The following ELAVL4 variants were observed in gnomAD, a reference collection of about 807,000 sequenced individuals.
The protein encoded by ELAVL4 is ELAV-like protein 4.
A neutral mutation model predicts 35.6 loss-of-function variants in ELAVL4; 1 was observed. The ratio of observed to expected loss-of-function variants is 0.03; its 90% CI spans 0.01 to 0.13. The LOEUF is 0.13. ELAVL4 is among the 10% of genes least tolerant of loss of function. The pLI is 1.00. For synonymous variants in ELAVL4, 156 were observed against 171.0 expected, an observed-to-expected ratio of 0.91 and a Z score of 0.69; for missense variants, 267 against 464.9, an observed-to-expected ratio of 0.57 and a Z score of 3.91.
At chr1:50,162,686 T>G (rs1268771554) in intron 2 of ELAVL4, among the ~76,000 whole-genome samples, 1 of 152,054 alleles carries the variant, frequency 6.6e-6, no homozygotes, top group Non-Finnish European at 1.5e-5. Flanking sequence ...TGGGTTCAAG[T>G]GAATCTCCTG....
At chr1:50,109,559 T>G (rs1017374638) in intron 1 of ELAVL4, 3 of 362,650 alleles carry the variant, frequency 8.3e-6, no homozygotes, top group Non-Finnish European at 1.5e-5. Flanking sequence ...TCTACGTGCC[T>G]GGGTTTTGTG....
chr1:50,080,444 A>G (rs1204017289), intron 1 of ELAVL4, among the ~76,000 whole-genome samples: 1 of 152,066 alleles, frequency 6.6e-6, no homozygotes, highest in African/African-American at 2.4e-5. Context: ...ACACACTCAC[A>G]CACATACTGA....
At chr1:50,164,887 T>G (rs1677466429) in intron 2 of ELAVL4, among the ~76,000 whole-genome samples, 1 of 152,190 alleles carries the variant, frequency 6.6e-6, no homozygotes, top group South Asian at 2.1e-4. Flanking sequence ...CCAACAAACA[T>G]TTACTGGATA....
At chr1:50,152,991 G>A (rs1011711747) in intron 2 of ELAVL4, among the ~76,000 whole-genome samples, 1 of 152,138 alleles carries the variant, frequency 6.6e-6, no homozygotes, top group African/African-American at 2.4e-5. Context: ...TCTGTGAGGA[G>A]GTCAAAATGG....
At position 50,193,935 on chromosome 1, in the gene ELAVL4, T is replaced by G; in HGVS notation, c.508+17T>G. The stretch of plus-strand genomic sequence containing the variant: ...AAGTCACAGGTTAAGTGTTTCTTTG[T>G]AATTTCTTTCCTTGTATATCAATGT... On this transcript the variant is annotated intron_variant, in intron 4 of 6. Transcript: ENST00000371824. 1 of 1,613,176 alleles carries G rather than the reference T, an allele frequency of 6.2e-7. No homozygotes were observed. The highest frequency in any genetic ancestry group is 2.2e-5 in the East Asian group (1 of 44,870).
At chr1:50,192,517 A>ACG (rs979201561) in intron 3 of ELAVL4, among the ~76,000 whole-genome samples, 10 of 114,708 alleles carry the variant, frequency 8.7e-5, no homozygotes, top group South Asian at 6.4e-4. Flanking sequence ...TTTTGTGTGC[A>ACG]CGCACACACA....
At chr1:50,066,348 T>C (rs1343898321) in intron 1 of ELAVL4, among the ~76,000 whole-genome samples, 1 of 152,202 alleles carries the variant, frequency 6.6e-6, no homozygotes, top group East Asian at 1.9e-4. Context: ...CCAGCACACA[T>C]TGATCGCTAA....
intron 1 of ELAVL4, among the ~76,000 whole-genome samples, chr1:50,066,433 C>T (rs1664269146): frequency 1.3e-5 from 2 of 152,142 alleles, no homozygotes; most frequent in South Asian, 4.1e-4. Context: ...TTTCTTTCAT[C>T]ATTTCATGTT....
At chr1:50,177,231 T>C (rs909781854) in intron 3 of ELAVL4, 39 bp downstream of exon 3, 1 of 1,485,542 alleles carries the variant, frequency 6.7e-7, no homozygotes, top group African/African-American at 1.4e-5. Context: ...CAGGAGGCTC[T>C]GGTTAAATTT....
intron 3 of ELAVL4, among the ~76,000 whole-genome samples, chr1:50,192,277 G>C (rs1448428098): frequency 6.6e-6 from 1 of 152,100 alleles, no homozygotes; most frequent in Non-Finnish European, 1.5e-5. Flanking sequence ...CATTTTATCT[G>C]TTGAGTCAAC....
chr1:50,121,284 G>A (rs376909407), intron 1 of ELAVL4, among the ~76,000 whole-genome samples: 1 of 151,980 alleles, frequency 6.6e-6, no homozygotes, highest in African/African-American at 2.4e-5. Context: ...ATGGCTTAAT[G>A]GGAGGATCCA....
intron 1 of ELAVL4, among the ~76,000 whole-genome samples, chr1:50,065,602 C>G (rs554347166): frequency 2.0e-5 from 3 of 152,234 alleles, no homozygotes; most frequent in African/African-American, 7.2e-5. Context: ...CATAGTATGT[C>G]TCGGGGTGGA....
intron 1 of ELAVL4, among the ~76,000 whole-genome samples, chr1:50,122,233 T>C (rs1364602962): frequency 3.3e-5 from 5 of 152,090 alleles, no homozygotes. Context: ...AGCTCTGTAC[T>C]CCTCTACAAA....
chr1:50,182,028 C>T (rs1470228682), intron 3 of ELAVL4, among the ~76,000 whole-genome samples: 1 of 152,250 alleles, frequency 6.6e-6, no homozygotes, highest in Non-Finnish European at 1.5e-5. Flanking sequence ...ATTTTAGACT[C>T]TGCAAATGGC....
chr1:50,114,955 T>C (rs1466260385), intron 1 of ELAVL4: 4 of 152,134 alleles, frequency 2.6e-5, no homozygotes, highest in Non-Finnish European at 4.4e-5. Context: ...ATATTTATGC[T>C]TTCCCTTGCA....
intron 2 of ELAVL4, among the ~76,000 whole-genome samples, chr1:50,145,835 C>T (rs1673611657): frequency 6.6e-6 from 1 of 152,198 alleles, no homozygotes; most frequent in South Asian, 2.1e-4. Context: ...GAAAGTGAAT[C>T]AACACCCTAT....
At chr1:50,154,749 ATT>A (rs1491393108) in intron 2 of ELAVL4, among the ~76,000 whole-genome samples, 3 of 118,598 alleles carry the variant, frequency 2.5e-5, no homozygotes, top group East Asian at 2.5e-4. Flanking sequence ...TTGTTGTTAT[ATT>A]TTGTGTGTGT....
At position 50,078,230 on chromosome 1, in the gene ELAVL4, A is replaced by G. The variant is rs143687804; in HGVS notation, c.18+30048A>G. ...ACGACAGTGATTACACAGAGAGCAA[A>G]CTCTCATGCCTTCAGGCACCAGTCA... is the stretch of plus-strand genomic sequence containing the variant. On this transcript the variant is annotated intron_variant, in intron 1 of 6. Coordinates refer to the ELAVL4 transcript ENST00000448907. Among the ~76,000 whole-genome samples, 308 of 151,822 alleles carry G rather than the reference A, an allele frequency of 2.0e-3. 1 individual carries two copies. The highest frequency in any genetic ancestry group is 3.4e-3 in the Non-Finnish European group (233 of 67,934).
At chr1:50,173,850 AAG>A (rs1462496568) in intron 2 of ELAVL4, among the ~76,000 whole-genome samples, 1 of 152,208 alleles carries the variant, frequency 6.6e-6, no homozygotes, top group African/African-American at 2.4e-5. Flanking sequence ...AAAAAAAAGA[AAG>A]AGTAATAAAA....
Sources: gnomAD v4.1 joint callset for allele counts (sites outside exome capture counted in the v4.1 genomes callset) on GRCh38, gnomAD v4.1.1 for gene constraint, MANE v1.5 for transcripts, NCBI Gene and HGNC (gene_info 2026-07-23, HGNC 2026-07-21) for gene names.